BANK1: variants seen among roughly 807,000 people sequenced by gnomAD.
The protein encoded by BANK1 is B cell scaffold protein with ankyrin repeats 1.
Under a neutral mutation model 94.5 loss-of-function variants are expected in BANK1, and 95 were observed. That is an observed-to-expected ratio of 1.00 (90% CI 0.85 to 1.19). BANK1 has a LOEUF of 1.19. Among genes scored for constraint, BANK1 ranks in the 50% most tolerant of loss-of-function variants. The pLI, the probability that BANK1 is intolerant of heterozygous loss-of-function variation, is 0.00. For missense variants in BANK1, 987 were observed against 932.2 expected (o/e 1.06, Z -0.77); for synonymous variants, 334 against 308.4 (o/e 1.08, Z -0.87).
intron 1 of BANK1, 36 bp from the exon 2 acceptor site, chr4:101,829,772 A>G: frequency 7.3e-7 from 1 of 1,361,274 alleles, no homozygotes; most frequent in Non-Finnish European, 9.9e-7. Context: ...TGCTGATAGC[A>G]TTGCAAATAT....
chr4:101,829,029 A>T (rs914742850), intron 1 of BANK1, among the ~76,000 whole-genome samples: 4 of 151,556 alleles, frequency 2.6e-5, no homozygotes, highest in Non-Finnish European at 5.9e-5. Flanking sequence ...CACCCAGCTA[A>T]TTTTTTGTAT....
At chr4:101,918,484 C>G (rs1190336526) in intron 7 of BANK1, among the ~76,000 whole-genome samples, 2 of 151,884 alleles carry the variant, frequency 1.3e-5, no homozygotes, top group Non-Finnish European at 2.9e-5. Flanking sequence ...GTTGAAGCCC[C>G]AAATTTCAGA....
chr4:101,923,552 T>A (rs1288165876), intron 7 of BANK1, among the ~76,000 whole-genome samples: 5 of 151,866 alleles, frequency 3.3e-5, no homozygotes, highest in Non-Finnish European at 2.9e-5. Context: ...TTTCTTGTCT[T>A]CCCCATCAGG....
chr4:101,930,082 A>G (rs1414186823), intron 7 of BANK1, among the ~76,000 whole-genome samples: 1 of 151,312 alleles, frequency 6.6e-6, no homozygotes, highest in Non-Finnish European at 1.5e-5. Context: ...TTTGATGAGA[A>G]CATATCAGAG....
intron 12 of BANK1, among the ~76,000 whole-genome samples, chr4:102,060,701 AG>A (rs1270076295): frequency 2.0e-5 from 3 of 152,168 alleles, no homozygotes; most frequent in Non-Finnish European, 4.4e-5. Flanking sequence ...TTTACACTGA[AG>A]GGTGTATTAT....
intron 7 of BANK1, among the ~76,000 whole-genome samples, chr4:101,943,947 T>C (rs1028983181): frequency 3.3e-5 from 5 of 151,520 alleles, no homozygotes; most frequent in Admixed American, 1.3e-4. Flanking sequence ...TTAAGAGGAT[T>C]AAAAAAATAG....
chr4:101,877,013 GA>G (rs200910512), intron 5 of BANK1, among the ~76,000 whole-genome samples: 17,246 of 138,750 alleles, frequency 0.12, 1,711 homozygotes, highest in African/African-American at 0.28. Flanking sequence ...AGGAGAAAAA[GA>G]AAAAAAAAAA....
chr4:101,850,113 G>T (rs1727416385), intron 2 of BANK1, among the ~76,000 whole-genome samples: 1 of 152,148 alleles, frequency 6.6e-6, no homozygotes, highest in Non-Finnish European at 1.5e-5. Flanking sequence ...TTAAGGGTGT[G>T]TTCAGAATGA....
chr4:101,827,219 G>T (rs950909107), intron 1 of BANK1, among the ~76,000 whole-genome samples: 4 of 151,742 alleles, frequency 2.6e-5, no homozygotes, highest in African/African-American at 9.7e-5. Flanking sequence ...AATTATTTTA[G>T]GTAGATAGGC....
intron 2 of BANK1, among the ~76,000 whole-genome samples, chr4:101,837,670 G>GT (rs776269483): frequency 6.6e-6 from 1 of 151,718 alleles, no homozygotes; most frequent in Non-Finnish European, 1.5e-5. Context: ...CTTTCATTTT[G>GT]TTTTTTAAAA....
chr4:101,877,259 C>CCT (rs1728525142), intron 5 of BANK1, among the ~76,000 whole-genome samples: 1 of 152,106 alleles, frequency 6.6e-6, no homozygotes, highest in Non-Finnish European at 1.5e-5. Flanking sequence ...ATTTAATTCA[C>CCT]AAACTCCCTA....
At chr4:101,840,623 C>A (rs929584407) in intron 2 of BANK1, among the ~76,000 whole-genome samples, 1 of 152,200 alleles carries the variant, frequency 6.6e-6, no homozygotes, top group African/African-American at 2.4e-5. Flanking sequence ...TCAGCCCATC[C>A]CTTTGTTTCC....
chr4:101,951,309 C>G (rs1322403335), intron 7 of BANK1, among the ~76,000 whole-genome samples: 1 of 151,996 alleles, frequency 6.6e-6, no homozygotes, highest in African/African-American at 2.4e-5. Flanking sequence ...TTGTTAAGAA[C>G]TTAGAGCTTT....
rs182950035 is a variant in BANK1 at position 101,901,852 on chromosome 4, C to A, written c.1009+6442C>A. Among the ~76,000 whole-genome samples the A allele has an allele frequency of 7.9e-5, 12 of 152,196 alleles. No homozygotes were observed. In the East Asian group the frequency reaches 2.3e-3, roughly 29 times the overall value. ...CTCAGCTCACTGCAAGCTCTGCCTC[C>A]TAGGTTCACACCATTCTCCTGCCTC... On this transcript the variant is annotated intron_variant, in intron 6 of 16. Coordinates refer to ENST00000322953, the MANE Select transcript of BANK1 (RefSeq NM_017935.5).
chr4:102,031,281 T>TG (rs1346400430), intron 10 of BANK1, among the ~76,000 whole-genome samples: 3 of 152,114 alleles, frequency 2.0e-5, no homozygotes, highest in Non-Finnish European at 2.9e-5. Flanking sequence ...ACTTTTTTGA[T>TG]GGGGGGTTGT....
chr4:101,895,885 C>A (rs1722057327), intron 6 of BANK1, among the ~76,000 whole-genome samples: 1 of 151,564 alleles, frequency 6.6e-6, no homozygotes, highest in Non-Finnish European at 1.5e-5. Flanking sequence ...GGCTATGTAG[C>A]AGAGAGAGAG....
At chr4:102,044,398 G>GT (rs1553944491) in intron 11 of BANK1, among the ~76,000 whole-genome samples, 3 of 152,098 alleles carry the variant, frequency 2.0e-5, no homozygotes, top group Non-Finnish European at 4.4e-5. Context: ...TCCACTGTGT[G>GT]TATGTGCCAC....
chr4:101,999,069 TC>T (rs1725973827), intron 7 of BANK1, among the ~76,000 whole-genome samples: 1 of 152,204 alleles, frequency 6.6e-6, no homozygotes, highest in Admixed American at 6.5e-5. Flanking sequence ...AGTTTGGAAA[TC>T]TTTTTTGCCT....
intron 7 of BANK1, among the ~76,000 whole-genome samples, chr4:101,944,476 A>C (rs1193306260): frequency 6.6e-6 from 1 of 151,844 alleles, no homozygotes; most frequent in African/African-American, 2.4e-5. Flanking sequence ...CTCAGCTTAA[A>C]CATCACTTTC....
Sources: gnomAD v4.1 joint callset for allele counts (sites outside exome capture counted in the v4.1 genomes callset) on GRCh38, gnomAD v4.1.1 for gene constraint, MANE v1.5 for transcripts, NCBI Gene and HGNC (gene_info 2026-07-23, HGNC 2026-07-21) for gene names.